NUP88: variants seen among roughly 807,000 people sequenced by gnomAD.
NUP88 encodes nucleoporin 88.
Under a neutral mutation model 93.9 loss-of-function variants are expected in NUP88, and 57 were observed. The observed-to-expected ratio is 0.61, with a 90% CI of 0.49 to 0.76. The LOEUF is 0.76. Among genes scored for constraint, NUP88 ranks in the 30% least tolerant of loss-of-function variants. The pLI is 0.00. For synonymous variants in NUP88, 346 were observed against 336.8 expected (o/e 1.03, Z -0.30); for missense variants, 911 against 901.0 (o/e 1.01, Z -0.14).
intron 10 of NUP88, among the ~76,000 whole-genome samples, chr17:5,391,121 A>G (rs1912388967): frequency 6.6e-6 from 1 of 152,108 alleles, no homozygotes; most frequent in African/African-American, 2.4e-5. Context: ...TGACTTCAGC[A>G]TTTACTAACC....
rs1317060195 is a variant in NUP88 at position 5,386,750 on chromosome 17, C to T, written c.2120G>A (p.Ser707Asn). The change falls in exon 16 of 17, where the codon AGT becomes AAT. Residue 707 changes from serine to asparagine, a missense_variant. Transcript: ENST00000573584. The part of the protein sequence containing the change: ...LSLPKPTIIL[S>N]AYQRKCIQSI... ...CTGAATGCACTTTCGCTGGTAGGCA[C>T]TGAGAATAATGGTGGGTTTTGGAAG... 3.7e-6 allele frequency: 6 copies of T among 1,613,886 alleles called. No homozygotes were observed. The highest frequency in any genetic ancestry group is 3.3e-4 in the Middle Eastern group (2 of 6,084).
Position 5,419,636 on chromosome 17 carries a change from C to G in NUP88, c.15G>C (p.Glu5Asp). The G allele has an allele frequency of 6.3e-7, 1 of 1,591,084 alleles. No individual in the cohort carries two copies. Among genetic ancestry groups the G allele is most frequent in the East Asian group, 2.2e-5 (1 of 44,468 alleles). ...ACAGCTCGCCGTCGCCCACCGGTCC[C>G]TCGGCGGCCGCCATCTTGGCCCAAC... MAAAEGPVGDGELWQ... is the reference protein window; with the variant it reads MAAADGPVGDGELWQ... The change falls in exon 1 of 17, where the codon GAG (glutamate) becomes GAC (aspartate). Residue 5 changes from glutamate (E) to aspartate (D), a missense_variant. Coordinates refer to ENST00000573584, the MANE Select transcript of NUP88 (RefSeq NM_002532.6).
At chr17:5,393,493 G>A (rs1447480511) in intron 9 of NUP88, among the ~76,000 whole-genome samples, 1 of 144,636 alleles carries the variant, frequency 6.9e-6, no homozygotes, top group Non-Finnish European at 1.5e-5. Flanking sequence ...CTGGAGTGCA[G>A]TGGCATGATC....
chr17:5,416,800 T>C, intron 1 of NUP88, 118 bp from the exon 2 acceptor site: 1 of 820,304 alleles, frequency 1.2e-6, no homozygotes, highest in East Asian at 2.9e-5. Context: ...AAACTCTGGA[T>C]AAGTACTCAC....
rs551143165 is a variant in NUP88 at position 5,411,718 on chromosome 17, T to C, written c.594-929A>G. Among the ~76,000 whole-genome samples, 15 of 152,342 alleles carry C rather than the reference T, an allele frequency of 9.8e-5. No homozygotes were observed. The South Asian group carries it at 2.5e-3, about 25-fold the overall frequency. On this transcript the variant is annotated intron_variant, in intron 3 of 16. Coordinates refer to ENST00000573584, the MANE Select transcript of NUP88 (RefSeq NM_002532.6). ...CTACATTTCACAGCATATAAGGCTA[T>C]TGTGAAAAAGGGAATTTTCAAAAGG...
chr17:5,387,370 T>TA lies in NUP88; in HGVS notation c.1916+15dup. 9.3e-6 allele frequency: 15 copies of TA among 1,604,788 alleles called. No homozygotes were observed. The highest frequency in any genetic ancestry group is 1.3e-5 in the Non-Finnish European group (15 of 1,171,688). ...AGTACCTGACTAGGTAACTAAATGT[T>TA]ATACAGCCCACTGACCTGTTCATGA... On this transcript the variant is annotated intron_variant, in intron 14 of 16. Coordinates refer to ENST00000573584, the MANE Select transcript of NUP88 (RefSeq NM_002532.6).
intron 13 of NUP88, 55 bp from the exon 14 acceptor site, chr17:5,387,521 A>C: frequency 6.3e-7 from 1 of 1,586,196 alleles, no homozygotes; most frequent in Non-Finnish European, 8.7e-7. Context: ...TGCTGAAACC[A>C]CCTAATGTGG....
intron 2 of NUP88, among the ~76,000 whole-genome samples, chr17:5,415,007 AT>A: frequency 6.6e-6 from 1 of 150,406 alleles, no homozygotes; most frequent in African/African-American, 2.4e-5. Context: ...AATTTAAATT[AT>A]TTATTTAAAT....
chr17:5,388,994 T>C (rs773199125), intron 10 of NUP88, 34 bp from the exon 11 acceptor site: 3 of 1,529,476 alleles, frequency 2.0e-6, no homozygotes, highest in Admixed American at 1.9e-5. Flanking sequence ...AATTCTACCA[T>C]GGAGTGATTT....
chr17:5,388,442 C>G, intron 11 of NUP88: 1 of 156,124 alleles, frequency 6.4e-6, no homozygotes, highest in Non-Finnish European at 1.4e-5. Context: ...TCTGCCACCA[C>G]ACCCAGCTAA....
intron 11 of NUP88, 133 bp downstream of exon 11, chr17:5,388,669 A>C: frequency 1.3e-6 from 1 of 759,354 alleles, no homozygotes; most frequent in Non-Finnish European, 2.0e-6. Flanking sequence ...CTAGCTGATC[A>C]AATATATCCA....
At chr17:5,397,401 A>C (rs942502453) in intron 8 of NUP88, among the ~76,000 whole-genome samples, 6 of 152,064 alleles carry the variant, frequency 3.9e-5, no homozygotes, top group African/African-American at 1.4e-4. Flanking sequence ...GGCAGACTTA[A>C]TGTTACCACA....
chr17:5,401,431 A>C (rs1245504017), intron 7 of NUP88, among the ~76,000 whole-genome samples: 1 of 152,180 alleles, frequency 6.6e-6, no homozygotes, highest in Non-Finnish European at 1.5e-5. Context: ...CAAAATACAG[A>C]GATAAGGTAT....
chr17:5,389,945 C>A (rs1912304648), intron 10 of NUP88, among the ~76,000 whole-genome samples: 1 of 151,940 alleles, frequency 6.6e-6, no homozygotes, highest in Non-Finnish European at 1.5e-5. Context: ...GTGGGTGGAT[C>A]ACCTGAGGTC....
chr17:5,411,238 C>T (rs1038222907), intron 3 of NUP88, among the ~76,000 whole-genome samples: 3 of 152,020 alleles, frequency 2.0e-5, no homozygotes, highest in African/African-American at 4.8e-5. Context: ...TGATATTTAG[C>T]CTGCAAATCT....
intron 8 of NUP88, among the ~76,000 whole-genome samples, chr17:5,397,971 C>T (rs529035755): frequency 7.4e-4 from 85 of 114,196 alleles, no homozygotes; most frequent in Non-Finnish European, 5.3e-4. Context: ...GGTGTGATCT[C>T]GACTCGAATA....
rs751156685 is a variant in NUP88 at position 5,398,890 on chromosome 17, C to CTTTT, written c.1291+658_1291+661dup. Among the ~76,000 whole-genome samples, 7 of 131,918 alleles carry CTTTT rather than the reference C, an allele frequency of 5.3e-5. 1 individual carries two copies. The highest frequency in any genetic ancestry group is 7.6e-5 in the Admixed American group (1 of 13,134). 86.5% of individuals were successfully genotyped at this position (131,918 alleles called of 152,430 possible). ...AAAGGCATGAGCCACTGCACCCAGC[C>CTTTT]TTTTTTTTTTTTTTTTGAGACGGAG... On this transcript the variant is annotated intron_variant, in intron 8 of 16. Coordinates refer to ENST00000573584, the MANE Select transcript of NUP88 (RefSeq NM_002532.6).
chr17:5,391,033 G>A (rs941408189), intron 10 of NUP88, among the ~76,000 whole-genome samples: 3 of 152,122 alleles, frequency 2.0e-5, no homozygotes, highest in African/African-American at 7.2e-5. Flanking sequence ...TGGCAGAGAT[G>A]GAGAAATTAA....
chr17:5,392,233 A>C (rs1305363739), intron 9 of NUP88, among the ~76,000 whole-genome samples: 1 of 152,156 alleles, frequency 6.6e-6, no homozygotes, highest in Non-Finnish European at 1.5e-5. Flanking sequence ...TCTGCCCCCG[A>C]ATGTGGATGC....
Sources: gnomAD v4.1 joint callset for allele counts (sites outside exome capture counted in the v4.1 genomes callset) on GRCh38, gnomAD v4.1.1 for gene constraint, MANE v1.5 for transcripts, NCBI Gene and HGNC (gene_info 2026-07-23, HGNC 2026-07-21) for gene names.